Variants in THADA observed in about 807,000 individuals in gnomAD.
The protein encoded by THADA is tRNA (32-2'-O)-methyltransferase regulator THADA.
A neutral mutation model predicts 219.8 loss-of-function variants in THADA; 213 were observed. The ratio of observed to expected loss-of-function variants is 0.97; its 90% CI spans 0.87 to 1.09. THADA has a LOEUF of 1.09. THADA is among the 50% of genes least tolerant of loss of function. The pLI, the probability that THADA is intolerant of heterozygous loss-of-function variation, is 0.00. For missense variants in THADA, 2,956 were observed against 2,311.3 expected, an observed-to-expected ratio of 1.28 and a Z score of -5.72; for synonymous variants, 1,018 against 828.9, an observed-to-expected ratio of 1.23 and a Z score of -3.92.
chr2:43,404,428 A>C (rs965761866), intron 28 of THADA, among the ~76,000 whole-genome samples: 4 of 149,420 alleles, frequency 2.7e-5, no homozygotes, highest in African/African-American at 9.9e-5. Flanking sequence ...CCTGGCCTGA[A>C]GTGCTCCTCC....
chr2:43,367,705 G>C (rs992582751), intron 29 of THADA, among the ~76,000 whole-genome samples: 1 of 152,186 alleles, frequency 6.6e-6, no homozygotes, highest in African/African-American at 2.4e-5. Flanking sequence ...CTGCAACAAT[G>C]GGATGGTAAA....
At chr2:43,267,969 A>T (rs13402198) in intron 36 of THADA, among the ~76,000 whole-genome samples, 23,244 of 152,214 alleles carry the variant, frequency 0.15, 2,066 homozygotes, top group African/African-American at 0.25. Context: ...GTTGTACTCC[A>T]GTAACTTCAG....
chr2:43,577,157 TCAC>T lies in THADA; in HGVS notation c.899_901del (p.Gly300del), dbSNP rs745709746. Reference sequence around the variant, plus strand: ...GAATAAGACAGCTGACTGAGAGATGTCACCACAACAGAGGCTCCTGCAGCTGCT... The same window carrying T: ...GAATAAGACAGCTGACTGAGAGATGTCACAACAGAGGCTCCTGCAGCTGCT... On this transcript the variant is annotated inframe_deletion, in exon 10 of 38. Transcript: ENST00000405975. 1.9e-6 allele frequency: 3 copies of T among 1,610,442 alleles called. No individual in the cohort carries two copies. The highest frequency in any genetic ancestry group is 2.5e-6 in the Non-Finnish European group (3 of 1,178,548).
chr2:43,518,197 T>C (rs960755944), intron 22 of THADA, among the ~76,000 whole-genome samples: 2 of 152,214 alleles, frequency 1.3e-5, no homozygotes, highest in African/African-American at 2.4e-5. Context: ...CAATAAATAT[T>C]TGTTGAATAA....
At chr2:43,257,916 G>A (rs1306380094) in intron 36 of THADA, among the ~76,000 whole-genome samples, 2 of 152,224 alleles carry the variant, frequency 1.3e-5, no homozygotes, top group East Asian at 1.9e-4. Flanking sequence ...CAGCTCAGAA[G>A]CAGAGAAGCC....
In THADA at chr2:43,233,149, TAG is replaced by T. The variant is rs1558440378; in HGVS notation, c.5297-269_5297-268del. On this transcript the variant is annotated intron_variant, in intron 36 of 37. Transcript: ENST00000405975. ...ACAGAAGCAGTTCCATCTGCAGGATTAGAGAGTTATCTCCCCTCTGCTCCTCC... is the reference window on the plus strand; with the variant it reads ...ACAGAAGCAGTTCCATCTGCAGGATTAGAGTTATCTCCCCTCTGCTCCTCC... 12 of 422,626 alleles carry T rather than the reference TAG, an allele frequency of 2.8e-5. 1 individual carries two copies. The highest frequency in any genetic ancestry group is 4.8e-5 in the Non-Finnish European group (11 of 229,164). The allele number at this position is 422,626 out of a possible 1,614,324, so 26.2% of individuals were successfully genotyped here. A position where few individuals can be genotyped will look rare whatever the true frequency, so the allele number is the denominator to read the frequency against.
chr2:43,539,196 T>C (rs774330887), intron 21 of THADA, among the ~76,000 whole-genome samples: 8 of 152,210 alleles, frequency 5.3e-5, no homozygotes, highest in Non-Finnish European at 1.0e-4. Flanking sequence ...GGCAGTCACA[T>C]TCACCTAAGG....
At chr2:43,298,590 T>C (rs1392561425) in intron 31 of THADA, among the ~76,000 whole-genome samples, 3 of 135,502 alleles carry the variant, frequency 2.2e-5, no homozygotes, top group African/African-American at 9.4e-5. Flanking sequence ...CCAAGAATTA[T>C]CAATAAAAAA....
intron 29 of THADA, among the ~76,000 whole-genome samples, chr2:43,382,720 T>C (rs557758899): frequency 1.7e-4 from 26 of 152,334 alleles, no homozygotes; most frequent in African/African-American, 6.3e-4. Flanking sequence ...CTAAAATGTA[T>C]AGAATTAAAG....
At position 43,570,483 on chromosome 2, in the gene THADA, G is replaced by C; in HGVS notation, c.2092C>G (p.Gln698Glu). The change falls in exon 14 of 38, where the codon CAG (glutamine) becomes GAG (glutamate). Residue 698 changes from glutamine (Q) to glutamate (E), a missense_variant. Transcript: ENST00000405975. ...CTCTGCTCCAATTTATAAAGTACCT[G>C]AGAACTTTCCTGTATCCTACAAAAC... is the stretch of plus-strand genomic sequence containing the variant. ...KLFCRIQESS[Q>E]VLYKLEQSKS... 6.2e-7 allele frequency: 1 copy of C among 1,612,388 alleles called. No homozygotes were observed. The highest frequency in any genetic ancestry group is 8.5e-7 in the Non-Finnish European group (1 of 1,179,406).
intron 30 of THADA, among the ~76,000 whole-genome samples, chr2:43,327,223 C>A (rs1424911983): frequency 1.3e-5 from 2 of 152,092 alleles, no homozygotes; most frequent in Non-Finnish European, 2.9e-5. Context: ...CTCATCCCAG[C>A]CCATCTGGGG....
At chr2:43,535,355 G>A (rs1383894173) in intron 21 of THADA, among the ~76,000 whole-genome samples, 3 of 150,858 alleles carry the variant, frequency 2.0e-5, no homozygotes, top group Non-Finnish European at 4.4e-5. Context: ...CTTACTTTTT[G>A]TTGTCTATGC....
At chr2:43,537,127 T>G (rs1467684891) in intron 21 of THADA, among the ~76,000 whole-genome samples, 1 of 152,238 alleles carries the variant, frequency 6.6e-6, no homozygotes, top group Non-Finnish European at 1.5e-5. Context: ...GTTACTAACT[T>G]TTGGGATTTC....
intron 22 of THADA, among the ~76,000 whole-genome samples, chr2:43,515,080 A>ATTT (rs1351802357): frequency 4.3e-4 from 12 of 27,956 alleles, no homozygotes; most frequent in Non-Finnish European, 7.2e-4. Flanking sequence ...TATATAATAT[A>ATTT]TATAAATATA....
chr2:43,466,162 C>A (rs1248388343), intron 26 of THADA, among the ~76,000 whole-genome samples: 1 of 152,222 alleles, frequency 6.6e-6, no homozygotes, highest in East Asian at 1.9e-4. Flanking sequence ...CTATAAAACA[C>A]AGCTCTTCAA....
intron 26 of THADA, among the ~76,000 whole-genome samples, chr2:43,470,207 C>CAAAAAAAAA (rs67659070): frequency 1.2e-5 from 1 of 80,706 alleles, no homozygotes; most frequent in African/African-American, 3.9e-5. Context: ...GACCTTGTCT[C>CAAAAAAAAA]AAAAAAAAAA....
At chr2:43,337,395 A>G (rs1250635748) in intron 30 of THADA, among the ~76,000 whole-genome samples, 3 of 152,198 alleles carry the variant, frequency 2.0e-5, no homozygotes, top group Non-Finnish European at 4.4e-5. Context: ...CACTGTAGAA[A>G]AGATTTTTTT....
chr2:43,262,595 G>T (rs73923548), intron 36 of THADA, among the ~76,000 whole-genome samples: 4,518 of 152,298 alleles, frequency 0.03, 188 homozygotes, highest in African/African-American at 0.1. Flanking sequence ...AGACACATCA[G>T]ATTTTGCCTT....
intron 36 of THADA, among the ~76,000 whole-genome samples, chr2:43,258,791 C>T (rs1048200314): frequency 6.6e-6 from 1 of 152,110 alleles, no homozygotes; most frequent in African/African-American, 2.4e-5. Flanking sequence ...TGGAGGATAT[C>T]GACCCTCAAG....
Sources: gnomAD v4.1 joint callset for allele counts (sites outside exome capture counted in the v4.1 genomes callset) on GRCh38, gnomAD v4.1.1 for gene constraint, MANE v1.5 for transcripts, NCBI Gene and HGNC (gene_info 2026-07-23, HGNC 2026-07-21) for gene names.